The following GRID2 variants were observed in gnomAD, a reference collection of about 807,000 sequenced individuals.
GRID2 encodes glutamate receptor ionotropic, delta-2.
In GRID2, 33 loss-of-function variants were observed where a neutral mutation model predicts 114.8. The ratio of observed to expected loss-of-function variants is 0.29; its 90% CI spans 0.22 to 0.38. The LOEUF is 0.38. GRID2 is among the 10% of genes least tolerant of loss of function. The probability of loss-of-function intolerance (pLI) is 1.00; values close to 1 mark genes in which losing one functional copy is unlikely to be tolerated. For missense variants in GRID2, 1,184 were observed against 1,257.7 expected (o/e 0.94, Z 0.89); for synonymous variants, 505 against 449.9 (o/e 1.12, Z -1.55).
At chr4:93,784,541 T>G (rs1734553259) in intron 1 of GRID2, among the ~76,000 whole-genome samples, 1 of 151,996 alleles carries the variant, frequency 6.6e-6, no homozygotes, top group African/African-American at 2.4e-5. Flanking sequence ...GAATAAGACT[T>G]TTGGCTTGAA....
intron 2 of GRID2, among the ~76,000 whole-genome samples, chr4:92,663,928 T>A (rs62309224): frequency 0.061 from 9,199 of 151,312 alleles, 332 homozygotes; most frequent in East Asian, 0.16. Flanking sequence ...TTCACTTCAC[T>A]TAATGTCATC....
intron 1 of GRID2, among the ~76,000 whole-genome samples, chr4:92,578,143 G>A (rs1251731861): frequency 1.5e-5 from 2 of 131,164 alleles, no homozygotes; most frequent in East Asian, 2.3e-4. Flanking sequence ...TACACTTTAA[G>A]TTTTAGGGTA....
At chr4:92,326,078 G>A (rs1726582359) in intron 1 of GRID2, among the ~76,000 whole-genome samples, 1 of 151,766 alleles carries the variant, frequency 6.6e-6, no homozygotes, top group South Asian at 2.1e-4. Context: ...ATTTAGGTAA[G>A]CATTTAATTC....
chr4:93,402,328 T>A (rs886231919), intron 9 of GRID2, among the ~76,000 whole-genome samples: 4 of 152,136 alleles, frequency 2.6e-5, no homozygotes, highest in African/African-American at 9.7e-5. Flanking sequence ...TTTTTCCATC[T>A]GTAAAACAGG....
intron 12 of GRID2, among the ~76,000 whole-genome samples, chr4:93,491,550 A>G (rs994697791): frequency 1.3e-5 from 2 of 151,802 alleles, no homozygotes; most frequent in African/African-American, 2.4e-5. Flanking sequence ...TTAGAACATA[A>G]TGTTCTATAT....
chr4:92,478,588 C>A (rs965117872), intron 1 of GRID2, among the ~76,000 whole-genome samples: 3 of 152,000 alleles, frequency 2.0e-5, no homozygotes, highest in Non-Finnish European at 2.9e-5. Flanking sequence ...TTTTTAATGG[C>A]CATTGAAAAC....
chr4:93,086,732 T>C (rs1730358340), intron 3 of GRID2, among the ~76,000 whole-genome samples: 1 of 152,122 alleles, frequency 6.6e-6, no homozygotes, highest in Non-Finnish European at 1.5e-5. Context: ...TAAAAATAAT[T>C]GGCTCATCAG....
intron 1 of GRID2, among the ~76,000 whole-genome samples, chr4:92,384,582 ATTATATT>A (rs1446797459): frequency 7.2e-4 from 37 of 51,132 alleles, no homozygotes; most frequent in African/African-American, 9.0e-4. Context: ...TATAAAATAT[ATTATATT>A]ATATATAACA....
At position 92,704,699 on chromosome 4, in the gene GRID2, CAA is replaced by C. The variant is rs1491346401; in HGVS notation, c.244+114414_244+114415del. Among the ~76,000 whole-genome samples the C allele has an allele frequency of 6.9e-4, 103 of 148,218 alleles. 1 individual carries two copies. Among genetic ancestry groups the C allele is most frequent in the African/African-American group, 2.3e-3 (88 of 38,764 alleles). ...TTTCTTTTCTCCCCAATCAATCAAT[CAA>C]TCTCTCTCTCTCTCTCTCTCTTTCT... On this transcript the variant is annotated intron_variant, in intron 2 of 15. Coordinates refer to ENST00000282020, the MANE Select transcript of GRID2 (RefSeq NM_001510.4).
At chr4:93,751,321 A>T (rs1732298610) in intron 14 of GRID2, among the ~76,000 whole-genome samples, 1 of 152,216 alleles carries the variant, frequency 6.6e-6, no homozygotes, top group South Asian at 2.1e-4. Context: ...TGTAGCTGGC[A>T]TCTGAATATA....
intron 2 of GRID2, among the ~76,000 whole-genome samples, chr4:92,966,575 T>A (rs1042781327): frequency 6.6e-6 from 1 of 151,858 alleles, no homozygotes; most frequent in African/African-American, 2.4e-5. Context: ...GGGTGCAGTT[T>A]CCCCTATACT....
intron 1 of GRID2, among the ~76,000 whole-genome samples, chr4:92,379,219 T>G (rs971782185): frequency 2.0e-5 from 3 of 152,014 alleles, no homozygotes; most frequent in Non-Finnish European, 2.9e-5. Context: ...TTTAATTTTT[T>G]TTACCTGTTG....
chr4:92,484,433 ATAT>A (rs955442402), intron 1 of GRID2, among the ~76,000 whole-genome samples: 3 of 152,110 alleles, frequency 2.0e-5, no homozygotes, highest in Non-Finnish European at 4.4e-5. Flanking sequence ...AGGAAATAAA[ATAT>A]TATAGGAATT....
intron 4 of GRID2, among the ~76,000 whole-genome samples, chr4:93,154,550 G>A (rs1050287400): frequency 1.3e-5 from 2 of 151,862 alleles, no homozygotes; most frequent in Admixed American, 1.3e-4. Flanking sequence ...CATCTACTAA[G>A]CCTAGATGAA....
chr4:93,562,421 C>A (rs768451325), intron 13 of GRID2, among the ~76,000 whole-genome samples: 1 of 151,732 alleles, frequency 6.6e-6, no homozygotes, highest in Non-Finnish European at 1.5e-5. Flanking sequence ...ATTTTAAGTT[C>A]TTTCTATATT....
chr4:93,044,788 G>GTAT (rs1245515509), intron 2 of GRID2, among the ~76,000 whole-genome samples: 1 of 152,136 alleles, frequency 6.6e-6, no homozygotes, highest in Non-Finnish European at 1.5e-5. Flanking sequence ...GCAACCTTGT[G>GTAT]TATGCTTCAG....
At chr4:93,607,572 C>A (rs1740380508) in intron 13 of GRID2, among the ~76,000 whole-genome samples, 1 of 152,040 alleles carries the variant, frequency 6.6e-6, no homozygotes. Context: ...AATTGCTGGA[C>A]CAAAAGACAT....
chr4:92,744,160 G>A (rs1737031000), intron 2 of GRID2, among the ~76,000 whole-genome samples: 1 of 152,058 alleles, frequency 6.6e-6, no homozygotes, highest in African/African-American at 2.4e-5. Context: ...AGCAGAACAA[G>A]GAGAAAAGAA....
chr4:92,667,643 T>A (rs1365166942), intron 2 of GRID2, among the ~76,000 whole-genome samples: 1 of 151,560 alleles, frequency 6.6e-6, no homozygotes, highest in Non-Finnish European at 1.5e-5. Flanking sequence ...TTCATAAAGT[T>A]TTGTTAGCTG....
Sources: allele counts gnomAD v4.1 joint callset (sites outside exome capture counted in the v4.1 genomes callset), GRCh38; gene constraint gnomAD v4.1.1; transcripts MANE v1.5; gene names NCBI Gene and HGNC (gene_info 2026-07-23, HGNC 2026-07-21).